The following RREB1 variants were observed in gnomAD, a reference collection of about 807,000 sequenced individuals.
RREB1 encodes the protein ras responsive element binding protein 1, also known as ras-responsive element-binding protein 1.
Under a neutral mutation model 117.8 loss-of-function variants are expected in RREB1, and 27 were observed. That is an observed-to-expected ratio of 0.23 (90% confidence interval 0.17 to 0.32). The LOEUF (loss-of-function observed/expected upper bound fraction) is 0.32. Among genes scored for constraint, RREB1 ranks in the 10% least tolerant of loss-of-function variants. The pLI is 1.00. For missense variants in RREB1, 2,577 were observed against 2,378.2 expected (o/e 1.08, Z -1.74); for synonymous variants, 1,298 against 1,026.7 (o/e 1.26, Z -5.05).
intron 8 of RREB1, chr6:7,217,639 A>G (rs1340931042): frequency 6.6e-6 from 1 of 152,248 alleles, no homozygotes; most frequent in Non-Finnish European, 1.5e-5. Context: ...CTATCTGGAA[A>G]ATAGATTTGA....
chr6:7,243,668 G>T (rs1768841675), intron 11 of RREB1, among the ~76,000 whole-genome samples: 1 of 152,208 alleles, frequency 6.6e-6, no homozygotes, highest in South Asian at 2.1e-4. Flanking sequence ...CCTAGTGGGA[G>T]TTTGGTAGAA....
rs70978941 is a variant in RREB1 at position 7,117,388 on chromosome 6, G to GTTTTTTTTTTTTTTT, written c.-285+9351_-285+9365dup. On this transcript the variant is annotated intron_variant, in intron 1 of 12. Transcript: ENST00000379938. ...GGTGAACCATGTGAATAGGTTTCCTGTTTTTTTTTTTTTTTTTTTTTTTTT... is the reference window on the plus strand; with the variant it reads ...GGTGAACCATGTGAATAGGTTTCCTGTTTTTTTTTTTTTTTTTTTTTTTTTTTTTTTTTTTTTTTT... Among the ~76,000 whole-genome samples the GTTTTTTTTTTTTTTT allele has an allele frequency of 4.9e-4, 31 of 63,294 alleles. 1 individual carries two copies. Among genetic ancestry groups the GTTTTTTTTTTTTTTT allele is most frequent in the East Asian group, 1.0e-3 (1 of 976 alleles). 41.5% of individuals were successfully genotyped at this position (63,294 alleles called of 152,430 possible).
At chr6:7,108,331 C>CTCCTCCTCCTCCTCCTCCCCT (rs1760935092) in intron 1 of RREB1, among the ~76,000 whole-genome samples, 2 of 151,962 alleles carry the variant, frequency 1.3e-5, no homozygotes, top group Non-Finnish European at 2.9e-5. Flanking sequence ...CCTCCTCCTC[C>CTCCTCCTCCTCCTCCTCCCCT]TCCTCCTCCC....
At chr6:7,157,543 G>C (rs1763433814) in intron 1 of RREB1, among the ~76,000 whole-genome samples, 1 of 152,004 alleles carries the variant, frequency 6.6e-6, no homozygotes, top group Non-Finnish European at 1.5e-5. Flanking sequence ...GGCTGAAGCA[G>C]GTGGATTGCT....
chr6:7,206,019 G>A (rs1284350893), intron 6 of RREB1, among the ~76,000 whole-genome samples: 1 of 152,158 alleles, frequency 6.6e-6, no homozygotes, highest in Non-Finnish European at 1.5e-5. Context: ...GTTATGAATA[G>A]GATAAAACTT....
intron 11 of RREB1, among the ~76,000 whole-genome samples, chr6:7,242,956 C>G (rs1244258343): frequency 1.3e-5 from 2 of 152,212 alleles, no homozygotes; most frequent in African/African-American, 4.8e-5. Flanking sequence ...AGCCTGGCCC[C>G]CTCTGCCCTT....
At chr6:7,161,337 C>T (rs1581471604) in intron 1 of RREB1, among the ~76,000 whole-genome samples, 2 of 152,172 alleles carry the variant, frequency 1.3e-5, no homozygotes, top group African/African-American at 2.4e-5. Context: ...TAACTCCCCT[C>T]CCAAGCCTGC....
intron 6 of RREB1, among the ~76,000 whole-genome samples, chr6:7,208,415 G>A (rs1766393638): frequency 6.6e-6 from 1 of 152,236 alleles, no homozygotes; most frequent in Non-Finnish European, 1.5e-5. Context: ...CAACCCTGCA[G>A]TTCACCCGTG....
intron 8 of RREB1, among the ~76,000 whole-genome samples, chr6:7,221,915 TTTC>T (rs1240299777): frequency 1.8e-4 from 28 of 152,336 alleles, no homozygotes; most frequent in African/African-American, 4.6e-4. Context: ...CTTTTCCTGA[TTTC>T]TTTTTTTCCC....
chr6:7,108,024 A>T lies in RREB1; in HGVS notation c.-321A>T, dbSNP rs1041355719. 6.6e-6 allele frequency: 1 copy of T among 152,234 alleles called. No homozygotes were observed. The highest frequency in any genetic ancestry group is 1.5e-5 in the Non-Finnish European group (1 of 68,072). 9.4% of individuals were successfully genotyped at this position (152,234 alleles called of 1,614,324 possible). The stretch of plus-strand genomic sequence containing the variant: ...TCTCCCTGAAGCCCACCGGTCCCCA[A>T]CGCATCATGCCAGGGAGCCAAGCGT... On this transcript the variant is annotated 5_prime_UTR_variant, in exon 1 of 13. Coordinates refer to ENST00000379938, the MANE Select transcript of RREB1 (RefSeq NM_001003699.4).
chr6:7,201,497 C>G (rs1376780083), intron 6 of RREB1, among the ~76,000 whole-genome samples: 3 of 141,046 alleles, frequency 2.1e-5, no homozygotes, highest in South Asian at 2.5e-4. Flanking sequence ...AACATTGTCC[C>G]CCCCCCCCAA....
chr6:7,230,976 T>G lies in RREB1; in HGVS notation c.2877T>G (p.Pro959=), dbSNP rs547655770. Residue 959 remains proline, a synonymous_variant, in exon 10 of 13, where the codon CCT becomes CCG. Coordinates refer to ENST00000379938, the MANE Select transcript of RREB1 (RefSeq NM_001003699.4). The part of the protein sequence containing the change: ...DLATPSEAKK[P]EEEAGSSEQP... Reference sequence around the variant, plus strand: ...CCACTCCCAGCGAAGCCAAGAAGCCTGAGGAGGAGGCGGGGAGCAGCGAGC... The same window carrying G: ...CCACTCCCAGCGAAGCCAAGAAGCCGGAGGAGGAGGCGGGGAGCAGCGAGC... 4.6e-4 allele frequency: 740 copies of G among 1,614,100 alleles called. 8 individuals are homozygous for G. In the South Asian group the frequency reaches 7.0e-3, roughly 15 times the overall value.
At position 7,240,464 on chromosome 6, in the gene RREB1, T is replaced by C. The variant is rs750176517; in HGVS notation, c.3835T>C (p.Cys1279Arg). Reference protein sequence around the residue: ...TGQKPFPCQKCDAFFSTKSNC... With the variant: ...TGQKPFPCQKRDAFFSTKSNC... ...TCAGAAACCCTTCCCTTGTCAAAAA[T>C]GCGATGCCTTCTTTTCTACCAAATC... Residue 1279 changes from cysteine to arginine, a missense_variant, in exon 11 of 13, where the codon TGC becomes CGC. Coordinates refer to ENST00000379938, the MANE Select transcript of RREB1 (RefSeq NM_001003699.4). 3 of 1,613,906 alleles carry C rather than the reference T, an allele frequency of 1.9e-6. No individual in the cohort carries two copies. Among genetic ancestry groups the C allele is most frequent in the East Asian group, 2.2e-5 (1 of 44,874 alleles).
At chr6:7,241,707 C>T (rs547630956) in intron 11 of RREB1, among the ~76,000 whole-genome samples, 2 of 152,284 alleles carry the variant, frequency 1.3e-5, no homozygotes, top group South Asian at 2.1e-4. Flanking sequence ...CCACCCTTTG[C>T]CCATCTCTAC....
chr6:7,249,190 T>A lies in RREB1; in HGVS notation c.*222T>A. 2.0e-6 allele frequency: 1 copy of A among 496,360 alleles called. No homozygotes were observed. The highest frequency in any genetic ancestry group is 3.1e-5 in the East Asian group (1 of 32,340). The allele number at this position is 496,360 out of a possible 1,614,324, so 30.7% of individuals were successfully genotyped here. A position where few individuals can be genotyped will look rare whatever the true frequency, so the allele number is the denominator to read the frequency against. ...CACAGCCCGTGCCGATTCCAGTGCCTTAACTACTTACCGGATCCCTCCATA... is the reference window on the plus strand; with the variant it reads ...CACAGCCCGTGCCGATTCCAGTGCCATAACTACTTACCGGATCCCTCCATA... On this transcript the variant is annotated 3_prime_UTR_variant, in exon 13 of 13. Transcript: ENST00000379938.
chr6:7,124,394 G>A (rs1438470462), intron 1 of RREB1, among the ~76,000 whole-genome samples: 2 of 152,152 alleles, frequency 1.3e-5, no homozygotes, highest in Non-Finnish European at 2.9e-5. Flanking sequence ...GCAGGAAGTG[G>A]AATTTTGGAA....
In RREB1 at chr6:7,189,311, G is replaced by A. The variant is rs1367371356; in HGVS notation, c.414G>A (p.Gly138=). The A allele has an allele frequency of 5.0e-6, 8 of 1,589,508 alleles. No homozygotes were observed. Among genetic ancestry groups the A allele is most frequent in the Admixed American group, 3.5e-5 (2 of 56,394 alleles). The part of the protein sequence containing the change: ...TVCGQSFTTN[G]NMHRHMKIHE... ...GTGGCCAGTCATTTACCACCAATGG[G>A]AACATGCACAGGTGGGTGAGGGCGC... Residue 138 remains glycine, a synonymous_variant, in exon 6 of 13, where the codon GGG becomes GGA. Coordinates refer to ENST00000379938, the MANE Select transcript of RREB1 (RefSeq NM_001003699.4).
intron 1 of RREB1, among the ~76,000 whole-genome samples, chr6:7,116,409 TGTGA>T (rs1448335271): frequency 1.3e-5 from 2 of 152,258 alleles, no homozygotes; most frequent in African/African-American, 2.4e-5. Context: ...GCTCTTCTGT[TGTGA>T]GTAACTTTTA....
In RREB1 at chr6:7,249,125, C is replaced by G. The variant is rs1054161157; in HGVS notation, c.*157C>G. 8.9e-6 allele frequency: 6 copies of G among 673,980 alleles called. No homozygotes were observed. The highest frequency in any genetic ancestry group is 4.1e-4 in the Middle Eastern group (1 of 2,450). 41.7% of individuals were successfully genotyped at this position (673,980 alleles called of 1,614,324 possible). On this transcript the variant is annotated 3_prime_UTR_variant, in exon 13 of 13. Transcript: ENST00000379938. ...AGAGACAAGCAGGAGCGTGGCTGCT[C>G]GCTCAGTGCCATAGCCTTACCGCAG...
Sources: allele counts gnomAD v4.1 joint callset (sites outside exome capture counted in the v4.1 genomes callset), GRCh38; gene constraint gnomAD v4.1.1; transcripts MANE v1.5; gene names NCBI Gene and HGNC (gene_info 2026-07-23, HGNC 2026-07-21).